Variants in CPS1 observed in about 807,000 individuals in gnomAD.
CPS1 encodes the protein carbamoyl-phosphate synthase [ammonia], mitochondrial.
Under a neutral mutation model 174.6 loss-of-function variants are expected in CPS1, and 109 were observed. The observed-to-expected ratio is 0.62, with a 90% CI of 0.53 to 0.73. CPS1 has a LOEUF of 0.73. CPS1 is among the 30% of genes least tolerant of loss of function. The pLI is 0.00. For synonymous variants in CPS1, 637 were observed against 632.0 expected, an observed-to-expected ratio of 1.01 and a Z score of -0.12; for missense variants, 1,689 against 1,821.9, an observed-to-expected ratio of 0.93 and a Z score of 1.33.
chr2:210,678,385 C>G lies in CPS1; in HGVS notation c.*400C>G. 3.7e-6 allele frequency: 1 copy of G among 271,800 alleles called. No homozygotes were observed. The highest frequency in any genetic ancestry group is 5.0e-5 in the Admixed American group (1 of 19,906). 16.8% of individuals were successfully genotyped at this position (271,800 alleles called of 1,614,324 possible). A position where few individuals can be genotyped will look rare whatever the true frequency, so the allele number is the denominator to read the frequency against. ...AAACACTATCTGCAAACTCAGGACA[C>G]TTTAACAGGGCAGAATACTCTAAAA... On this transcript the variant is annotated 3_prime_UTR_variant, in exon 38 of 38. Coordinates refer to ENST00000233072, the MANE Select transcript of CPS1 (RefSeq NM_001875.5).
At chr2:210,652,242 A>T (rs1209209957) in intron 28 of CPS1, among the ~76,000 whole-genome samples, 1 of 152,206 alleles carries the variant, frequency 6.6e-6, no homozygotes, top group Admixed American at 6.5e-5. Flanking sequence ...CTGATTATTA[A>T]TGATGGTGCA....
At chr2:210,587,967 A>C (rs1574557756) in intron 6 of CPS1, 91 bp from the exon 7 acceptor site, 2 of 1,107,722 alleles carry the variant, frequency 1.8e-6, no homozygotes, top group Admixed American at 3.4e-5. Context: ...TTACCAATCT[A>C]AGTTCAAAAC....
rs144804463 is a variant in CPS1, at chr2:210,650,951, G to C, written c.3480+513G>C. Among the ~76,000 whole-genome samples, 10 of 152,254 alleles carry C rather than the reference G, an allele frequency of 6.6e-5. No individual in the cohort carries two copies. The East Asian group carries it at 1.2e-3, about 18-fold the overall frequency. On this transcript the variant is annotated intron_variant, in intron 28 of 37. Transcript: ENST00000233072. ...TTATTTTTTCCTGTTGGCACATTCA[G>C]TTTGTGAGTTAATACAAGCATTTCT... is the stretch of plus-strand genomic sequence containing the variant.
chr2:210,642,846 T>C (rs1398173951), intron 25 of CPS1, among the ~76,000 whole-genome samples, 181 bp downstream of exon 25: 2 of 152,212 alleles, frequency 1.3e-5, no homozygotes, highest in Non-Finnish European at 2.9e-5. Context: ...TCCATTCTTA[T>C]ATTTTTGAGC....
At chr2:210,499,075 G>A (rs1388163590) in intron 1 of CPS1, among the ~76,000 whole-genome samples, 3 of 152,116 alleles carry the variant, frequency 2.0e-5, no homozygotes, top group Non-Finnish European at 2.9e-5. Flanking sequence ...TGGTTGGGTG[G>A]CTTGGTATGC....
At chr2:210,603,177 G>T (rs545943330) in intron 16 of CPS1, among the ~76,000 whole-genome samples, 1 of 152,004 alleles carries the variant, frequency 6.6e-6, no homozygotes, top group Admixed American at 6.6e-5. Context: ...TTACATGGCA[G>T]TCATAGAAGT....
intron 1 of CPS1, among the ~76,000 whole-genome samples, chr2:210,549,937 A>G (rs1696680169): frequency 6.6e-6 from 1 of 152,144 alleles, no homozygotes; most frequent in East Asian, 1.9e-4. Context: ...GCATGAAATT[A>G]CCCAGATTCC....
chr2:210,577,382 T>C lies in CPS1; in HGVS notation c.382-39T>C, dbSNP rs762692218. 16 of 1,478,630 alleles carry C rather than the reference T, an allele frequency of 1.1e-5. 2 individuals carry two copies. The South Asian group carries it at 1.8e-4, about 17-fold the overall frequency. 91.6% of individuals were successfully genotyped at this position (1,478,630 alleles called of 1,614,324 possible). ...TGACTCACAAGAGTTGGATAATATCTTGTGATAACCTCTTTAAAATGACTG... is the reference window on the plus strand; with the variant it reads ...TGACTCACAAGAGTTGGATAATATCCTGTGATAACCTCTTTAAAATGACTG... On this transcript the variant is annotated intron_variant, in intron 3 of 37. Transcript: ENST00000233072.
intron 25 of CPS1, among the ~76,000 whole-genome samples, chr2:210,644,958 T>C (rs1700331604): frequency 6.6e-6 from 1 of 152,162 alleles, no homozygotes; most frequent in South Asian, 2.1e-4. Flanking sequence ...TATTAAACAA[T>C]ATTTGAAATT....
At chr2:210,477,956 G>A (rs1398309057) in intron 1 of CPS1, among the ~76,000 whole-genome samples, 1 of 152,156 alleles carries the variant, frequency 6.6e-6, no homozygotes, top group Non-Finnish European at 1.5e-5. Context: ...AGGCAGGATG[G>A]TAATTGTATA....
At chr2:210,546,298 G>C (rs1232877512) in intron 1 of CPS1, among the ~76,000 whole-genome samples, 1 of 152,094 alleles carries the variant, frequency 6.6e-6, no homozygotes, top group Non-Finnish European at 1.5e-5. Flanking sequence ...ATATTAAACA[G>C]AGACAGTGAA....
chr2:210,616,393 C>A, intron 20 of CPS1, 30 bp from the exon 21 acceptor site: 1 of 1,474,470 alleles, frequency 6.8e-7, no homozygotes, highest in South Asian at 1.1e-5. Flanking sequence ...AAATGTTTGC[C>A]AAAGAAAGTA....
chr2:210,544,354 T>A (rs1446918409), intron 1 of CPS1, among the ~76,000 whole-genome samples: 1 of 152,096 alleles, frequency 6.6e-6, no homozygotes, highest in Non-Finnish European at 1.5e-5. Flanking sequence ...TGATGATTAA[T>A]CCTACTCAAT....
intron 1 of CPS1, among the ~76,000 whole-genome samples, chr2:210,544,835 ATG>A (rs902881135): frequency 6.6e-6 from 1 of 152,076 alleles, no homozygotes; most frequent in African/African-American, 2.4e-5. Flanking sequence ...TATTTAGGGA[ATG>A]TATTTACTGA....
At chr2:210,501,240 A>C (rs1198407847) in intron 1 of CPS1, among the ~76,000 whole-genome samples, 3 of 152,124 alleles carry the variant, frequency 2.0e-5, no homozygotes, top group African/African-American at 7.2e-5. Context: ...CATGAAGGTC[A>C]CTGACATACC....
intron 34 of CPS1, among the ~76,000 whole-genome samples, chr2:210,670,203 G>T (rs971264582): frequency 3.3e-5 from 5 of 152,012 alleles, no homozygotes; most frequent in African/African-American, 1.2e-4. Flanking sequence ...TACGGACACA[G>T]ATTTAAAAAT....
chr2:210,536,923 A>G (rs959358040), intron 1 of CPS1, among the ~76,000 whole-genome samples: 1 of 152,226 alleles, frequency 6.6e-6, no homozygotes, highest in African/African-American at 2.4e-5. Flanking sequence ...AAAGAAGCCT[A>G]TGTGGTGATT....
intron 1 of CPS1, among the ~76,000 whole-genome samples, chr2:210,567,986 C>T (rs1180046687): frequency 1.3e-5 from 2 of 152,176 alleles, no homozygotes; most frequent in Non-Finnish European, 2.9e-5. Flanking sequence ...CATTCACCAA[C>T]TGTGTAGTGA....
intron 7 of CPS1, 54 bp from the exon 8 acceptor site, chr2:210,590,052 A>G (rs1199974066): frequency 1.9e-6 from 3 of 1,609,202 alleles, no homozygotes; most frequent in African/African-American, 2.7e-5. Flanking sequence ...GCAAAATTAT[A>G]CTTTGGCAAA....
Sources: gnomAD v4.1 joint callset for allele counts (sites outside exome capture counted in the v4.1 genomes callset) on GRCh38, gnomAD v4.1.1 for gene constraint, MANE v1.5 for transcripts, NCBI Gene and HGNC (gene_info 2026-07-23, HGNC 2026-07-21) for gene names.